The following MYO9B variants were observed in gnomAD, a reference collection of about 807,000 sequenced individuals.
MYO9B encodes the protein unconventional myosin-IXb.
MYO9B carries 71 observed loss-of-function variants against 229.5 expected under a neutral mutation model. The ratio of observed to expected loss-of-function variants is 0.31; its 90% CI spans 0.26 to 0.38. The LOEUF is 0.38. Among genes scored for constraint, MYO9B ranks in the 10% least tolerant of loss-of-function variants. The probability of loss-of-function intolerance (pLI) is 1.00; values close to 1 mark genes in which losing one functional copy is unlikely to be tolerated. For synonymous variants in MYO9B, 1,185 were observed against 1,235.8 expected (o/e 0.96, Z 0.86); for missense variants, 2,255 against 2,920.5 (o/e 0.77, Z 5.25).
rs374133743 is a variant in MYO9B at position 17,159,192 on chromosome 19, TCAAACAAA to T, written c.1330-190_1330-183del. ...CTGGGTGATAGAGTGAGACTCTGTCTCAAACAAACAAACAAACAAAAACCAAAAAACCA... is the reference window on the plus strand; with the variant it reads ...CTGGGTGATAGAGTGAGACTCTGTCTCAAACAAACAAAAACCAAAAAACCA... On this transcript the variant is annotated intron_variant, in intron 7 of 39. Transcript: ENST00000682292. 1.9e-4 allele frequency among the ~76,000 whole-genome samples: 20 copies of T among 102,868 alleles called. No homozygotes were observed. The South Asian group carries it at 7.1e-3, about 36-fold the overall frequency. 67.5% of individuals were successfully genotyped at this position (102,868 alleles called of 152,430 possible). A position where few individuals can be genotyped will look rare whatever the true frequency, so the allele number is the denominator to read the frequency against.
In MYO9B at chr19:17,145,346, AAAAG is replaced by A. The variant is rs992940697; in HGVS notation, c.841-47_841-44del. The A allele has an allele frequency of 2.0e-6, 3 of 1,504,626 alleles. No homozygotes were observed. In the African/African-American group the frequency reaches 4.2e-5, roughly 21 times the overall value. 93.2% of individuals were successfully genotyped at this position (1,504,626 alleles called of 1,614,324 possible). On this transcript the variant is annotated intron_variant, in intron 2 of 39. Transcript: ENST00000682292. ...GTGTAAAATGAGAGGAAAAAAAAGA[AAAAG>A]AAATTCCACCCTCCTGATCTGAAAC...
rs577243485 is a variant in MYO9B at position 17,211,323 on chromosome 19, T to C, written c.5931-324T>C. Among the ~76,000 whole-genome samples, 6 of 152,056 alleles carry C rather than the reference T, an allele frequency of 3.9e-5. No individual in the cohort carries two copies. In the East Asian group the frequency reaches 1.2e-3, roughly 30 times the overall value. ...GTCTTTCTCTGTCACCCAGGCTGGA[T>C]TGCAGTGGTGCGATCACGGTTCACT... On this transcript the variant is annotated intron_variant, in intron 38 of 39. Coordinates refer to ENST00000682292, the MANE Select transcript of MYO9B (RefSeq NM_004145.4).
At chr19:17,180,333 T>A (rs2072843256) in intron 14 of MYO9B, among the ~76,000 whole-genome samples, 1 of 146,234 alleles carries the variant, frequency 6.8e-6, no homozygotes, top group Admixed American at 7.2e-5. Flanking sequence ...AATGACCAGA[T>A]GGAAATAATT....
intron 7 of MYO9B, among the ~76,000 whole-genome samples, chr19:17,159,005 C>A (rs1426641052): frequency 6.6e-6 from 1 of 152,078 alleles, no homozygotes; most frequent in African/African-American, 2.4e-5. Flanking sequence ...ACCAGCCTGG[C>A]CAACACAGAG....
At chr19:17,163,265 AC>A in intron 10 of MYO9B, 143 bp downstream of exon 10, 1 of 897,824 alleles carries the variant, frequency 1.1e-6, no homozygotes, top group Non-Finnish European at 1.6e-6. Context: ...AAACGCCACC[AC>A]CATACATCTC....
At position 17,210,346 on chromosome 19, in the gene MYO9B, A is replaced by T; in HGVS notation, c.5762A>T (p.Lys1921Ile). 1 of 1,597,860 alleles carries T rather than the reference A, an allele frequency of 6.3e-7. No homozygotes were observed. Among genetic ancestry groups the T allele is most frequent in the Non-Finnish European group, 8.5e-7 (1 of 1,172,030 alleles). Residue 1921 changes from lysine (K) to isoleucine (I), a missense_variant, in exon 37 of 40, where the codon AAA becomes ATA. Transcript: ENST00000682292. ...LLRQNAPWPL[K>I]LGFSSPYEGV... ...TCTCTCTCCCAGCCATGGCCTCTCAAACTGGGGTTTTCGTCTCCCTATGAG... is the reference window on the plus strand; with the variant it reads ...TCTCTCTCCCAGCCATGGCCTCTCATACTGGGGTTTTCGTCTCCCTATGAG...
intron 2 of MYO9B, among the ~76,000 whole-genome samples, chr19:17,143,584 C>G (rs1357398253): frequency 2.6e-5 from 4 of 152,146 alleles, no homozygotes; most frequent in African/African-American, 9.7e-5. Context: ...GAAGAGCAGA[C>G]AGTGGGGCCT....
chr19:17,129,729 T>C (rs1184910801), intron 2 of MYO9B, among the ~76,000 whole-genome samples: 1 of 152,198 alleles, frequency 6.6e-6, no homozygotes. Flanking sequence ...ATGCCCCTAG[T>C]GGGCCACTCC....
chr19:17,186,277 T>C (rs1199212817), intron 18 of MYO9B, among the ~76,000 whole-genome samples: 1 of 152,070 alleles, frequency 6.6e-6, no homozygotes, highest in African/African-American at 2.4e-5. Flanking sequence ...GAGTAGCCGG[T>C]GCAAGGAGTC....
intron 2 of MYO9B, among the ~76,000 whole-genome samples, chr19:17,120,550 G>A (rs923339639): frequency 6.1e-5 from 9 of 148,188 alleles, no homozygotes; most frequent in East Asian, 2.0e-4. Flanking sequence ...CAGGAGGATC[G>A]TTTGAGCCTA....
intron 11 of MYO9B, among the ~76,000 whole-genome samples, chr19:17,170,661 A>AC (rs1371612792): frequency 1.3e-5 from 2 of 148,524 alleles, no homozygotes; most frequent in African/African-American, 5.0e-5. Flanking sequence ...AAAAAAAAAA[A>AC]AAAAAAAAAA....
Position 17,090,118 on chromosome 19 carries a change from C to CTTTTTTTTTTTTTTTTTTTTTTT in MYO9B, c.-58-11521_-58-11499dup, listed in dbSNP as rs59440394. Among the ~76,000 whole-genome samples the CTTTTTTTTTTTTTTTTTTTTTTT allele has an allele frequency of 6.1e-5, 3 of 49,236 alleles. 1 individual carries two copies. The highest frequency in any genetic ancestry group is 6.3e-4 in the Admixed American group (2 of 3,172). 32.3% of individuals were successfully genotyped at this position (49,236 alleles called of 152,430 possible). A position where few individuals can be genotyped will look rare whatever the true frequency, so the allele number is the denominator to read the frequency against. ...TATAGCATGAATCGGTGCTTCCTTC[C>CTTTTTTTTTTTTTTTTTTTTTTT]TTTTTTTTTTTTTTTTTTTTTTTTT... On this transcript the variant is annotated intron_variant, in intron 1 of 39. Transcript: ENST00000682292.
rs759038124 is a variant in MYO9B, at chr19:17,102,114, C to G, written c.397C>G (p.Arg133Gly). Reference sequence around the variant, plus strand: ...GCTGGTGGCGCAGGCCACAGCCACCCGGCGCCTAGTGGAGCGTGGCCTCCT... The same window carrying G: ...GCTGGTGGCGCAGGCCACAGCCACCGGGCGCCTAGTGGAGCGTGGCCTCCT... ...MQLVAQATAT[R>G]RLVERGLLPR... Residue 133 changes from arginine to glycine, a missense_variant, in exon 2 of 40, where the codon CGG (arginine) becomes GGG (glycine). Arg to Gly is a moderately radical substitution (Grantham distance 125, BLOSUM62 -2). Transcript: ENST00000682292. The G allele has an allele frequency of 6.2e-7, 1 of 1,613,334 alleles. No individual in the cohort carries two copies. The highest frequency in any genetic ancestry group is 8.5e-7 in the Non-Finnish European group (1 of 1,179,884).
At chr19:17,202,092 T>C (rs1005268695) in intron 27 of MYO9B, 38 bp from the exon 28 acceptor site, 2 of 1,612,506 alleles carry the variant, frequency 1.2e-6, no homozygotes, top group African/African-American at 2.7e-5. Context: ...ATCCGCCCCT[T>C]GCCCAGGCCT....
intron 6 of MYO9B, among the ~76,000 whole-genome samples, 160 bp from the exon 7 acceptor site, chr19:17,156,749 C>T (rs1377708208): frequency 6.6e-6 from 1 of 152,156 alleles, no homozygotes; most frequent in East Asian, 1.9e-4. Context: ...AGTCACATTC[C>T]ACAGAGGCCA....
At chr19:17,152,799 C>T (rs1301634212) in intron 4 of MYO9B, 93 bp downstream of exon 4, 9 of 1,166,956 alleles carry the variant, frequency 7.7e-6, no homozygotes, top group Admixed American at 4.2e-5. Context: ...GTCCTGAGGT[C>T]GGAGGAATTC....
At chr19:17,125,688 T>C (rs1387755947) in intron 2 of MYO9B, among the ~76,000 whole-genome samples, 1 of 152,108 alleles carries the variant, frequency 6.6e-6, no homozygotes, top group African/African-American at 2.4e-5. Context: ...TGGTGTCTCT[T>C]GTGAACTGGG....
Position 17,101,643 on chromosome 19 carries a change from T to G in MYO9B, c.-58-17T>G. On this transcript the variant is annotated splice_polypyrimidine_tract_variant and intron_variant, in intron 1 of 39. Coordinates refer to ENST00000682292, the MANE Select transcript of MYO9B (RefSeq NM_004145.4). The surrounding 1 kb of genome is among the most constrained non-coding windows in gnomAD (Gnocchi z 4.7). ...TCCCACCATTCTGACCATGCCTGGC[T>G]CTGACCTCCCTTCTAGCTCCAGGAC... The G allele has an allele frequency of 6.8e-7, 1 of 1,468,140 alleles. No individual in the cohort carries two copies. The highest frequency in any genetic ancestry group is 9.0e-7 in the Non-Finnish European group (1 of 1,113,536). The allele number at this position is 1,468,140 out of a possible 1,614,324, so 90.9% of individuals were successfully genotyped here.
intron 1 of MYO9B, among the ~76,000 whole-genome samples, chr19:17,091,023 G>A (rs1038982403): frequency 1.3e-5 from 2 of 152,156 alleles, no homozygotes; most frequent in South Asian, 2.1e-4. Flanking sequence ...GAGCCCTGCC[G>A]AGTGAGAACA....
Sources: gnomAD v4.1 joint callset for allele counts (sites outside exome capture counted in the v4.1 genomes callset) on GRCh38, gnomAD v4.1.1 for gene constraint, Gnocchi (gnomAD v3.1) non-coding constraint, MANE v1.5 for transcripts, NCBI Gene and HGNC (gene_info 2026-07-23, HGNC 2026-07-21) for gene names.